Variants in MAP2K6 observed in about 807,000 individuals in gnomAD.
The protein encoded by MAP2K6 is mitogen-activated protein kinase kinase 6.
In MAP2K6, 16 loss-of-function variants were observed where a neutral mutation model predicts 53.7. The observed-to-expected ratio is 0.30, with a 90% CI of 0.20 to 0.45. The LOEUF (loss-of-function observed/expected upper bound fraction) is 0.45, where lower values mean the gene tolerates loss of function less well. Among genes scored for constraint, MAP2K6 ranks in the 20% least tolerant of loss-of-function variants. The pLI is 1.00. For missense variants in MAP2K6, 204 were observed against 411.9 expected (o/e 0.50, Z 4.37); for synonymous variants, 132 against 143.1 (o/e 0.92, Z 0.55).
chr17:69,475,713 T>C (rs1908128168), intron 1 of MAP2K6, among the ~76,000 whole-genome samples: 1 of 152,214 alleles, frequency 6.6e-6, no homozygotes, highest in Non-Finnish European at 1.5e-5. Flanking sequence ...AGAAACCTTA[T>C]TATCTCCAGG....
At chr17:69,454,028 C>T (rs1403237073) in intron 1 of MAP2K6, among the ~76,000 whole-genome samples, 3 of 152,194 alleles carry the variant, frequency 2.0e-5, no homozygotes, top group South Asian at 2.1e-4. Context: ...TTATGGCCCT[C>T]CAGTTATAGC....
In MAP2K6 at chr17:69,548,007, C is replaced by G. The variant is rs1459159825; in HGVS notation, c.*6254C>G. ...AGAAGAAGGCAGATAGAGTTCTTAA[C>G]CTTTTTCAACTTAGCCACCTCAATT... On this transcript the variant is annotated 3_prime_UTR_variant, in exon 12 of 12. Coordinates refer to ENST00000590474, the MANE Select transcript of MAP2K6 (RefSeq NM_002758.4). 1 of 152,146 alleles carries G rather than the reference C, an allele frequency of 6.6e-6. No individual in the cohort carries two copies. The highest frequency in any genetic ancestry group is 1.5e-5 in the Non-Finnish European group (1 of 68,022). The allele number at this position is 152,146 out of a possible 1,614,324, so 9.4% of individuals were successfully genotyped here. A position where few individuals can be genotyped will look rare whatever the true frequency, so the allele number is the denominator to read the frequency against.
intron 1 of MAP2K6, among the ~76,000 whole-genome samples, chr17:69,450,464 C>G (rs1270528334): frequency 6.6e-6 from 1 of 152,202 alleles, no homozygotes; most frequent in Non-Finnish European, 1.5e-5. Flanking sequence ...GCAAAAATTG[C>G]TCCTGTTTCC....
intron 11 of MAP2K6, 52 bp from the exon 12 acceptor site, chr17:69,541,624 T>A: frequency 7.5e-7 from 1 of 1,336,086 alleles, no homozygotes; most frequent in Non-Finnish European, 1.1e-6. Flanking sequence ...TAATCTCATA[T>A]ATTGATTGTC....
chr17:69,477,526 C>T (rs1461742872), intron 1 of MAP2K6: 1 of 152,156 alleles, frequency 6.6e-6, no homozygotes, highest in African/African-American at 2.4e-5. Flanking sequence ...GGAACCTCTG[C>T]TGGATTGGAA....
chr17:69,482,116 T>A (rs1908370625), intron 1 of MAP2K6, among the ~76,000 whole-genome samples: 1 of 152,180 alleles, frequency 6.6e-6, no homozygotes, highest in South Asian at 2.1e-4. Context: ...GCAAAGAAAT[T>A]GAGTCCACAA....
At chr17:69,451,700 G>A (rs1279131725) in intron 1 of MAP2K6, among the ~76,000 whole-genome samples, 1 of 152,172 alleles carries the variant, frequency 6.6e-6, no homozygotes, top group Non-Finnish European at 1.5e-5. Context: ...TTTGGAGGTG[G>A]AGTGGCCCTA....
chr17:69,540,626 T>A (rs1355678160), intron 11 of MAP2K6, among the ~76,000 whole-genome samples: 1 of 152,212 alleles, frequency 6.6e-6, no homozygotes, highest in Non-Finnish European at 1.5e-5. Context: ...TTGAATCACA[T>A]ACCATGCTTG....
At chr17:69,535,130 T>C (rs566209326) in intron 10 of MAP2K6, among the ~76,000 whole-genome samples, 1 of 152,332 alleles carries the variant, frequency 6.6e-6, no homozygotes, top group Admixed American at 6.5e-5. Flanking sequence ...TGTTATTAAA[T>C]GTCTGTGTCA....
intron 1 of MAP2K6, among the ~76,000 whole-genome samples, chr17:69,465,065 C>A (rs931349911): frequency 6.6e-6 from 1 of 151,602 alleles, no homozygotes; most frequent in African/African-American, 2.4e-5. Context: ...TTTACAGACC[C>A]CCACAGAGCC....
intron 1 of MAP2K6, among the ~76,000 whole-genome samples, chr17:69,457,922 C>G (rs144100341): frequency 6.6e-6 from 1 of 152,194 alleles, no homozygotes; most frequent in Non-Finnish European, 1.5e-5. Context: ...CATTAAAGTT[C>G]GGGAAGCACT....
At chr17:69,417,912 A>G (rs558597181) in intron 1 of MAP2K6, among the ~76,000 whole-genome samples, 1 of 152,326 alleles carries the variant, frequency 6.6e-6, no homozygotes, top group South Asian at 2.1e-4. Context: ...TTTAAAAAAT[A>G]TTAGTTTATT....
At chr17:69,515,761 G>C (rs1367729286) in intron 2 of MAP2K6, among the ~76,000 whole-genome samples, 1 of 152,208 alleles carries the variant, frequency 6.6e-6, no homozygotes. Context: ...GATATCAGGA[G>C]ACCTGGGGCA....
chr17:69,469,888 C>T (rs1907930789), intron 1 of MAP2K6, among the ~76,000 whole-genome samples: 1 of 151,940 alleles, frequency 6.6e-6, no homozygotes, highest in African/African-American at 2.4e-5. Flanking sequence ...GCAATGAAAG[C>T]AGAAGTTAGA....
At chr17:69,469,281 G>A (rs1015633928) in intron 1 of MAP2K6, among the ~76,000 whole-genome samples, 3 of 152,138 alleles carry the variant, frequency 2.0e-5, no homozygotes, top group Non-Finnish European at 4.4e-5. Context: ...CCACTTTTAA[G>A]GACTATTTTG....
rs1911996083 is a variant in MAP2K6, at chr17:69,549,134, GA to G, written c.*7382del. 1 of 152,106 alleles carries G rather than the reference GA, an allele frequency of 6.6e-6. No homozygotes were observed. Among genetic ancestry groups the G allele is most frequent in the Non-Finnish European group, 1.5e-5 (1 of 68,016 alleles). The allele number at this position is 152,106 out of a possible 1,614,324, so 9.4% of individuals were successfully genotyped here. ...TGGACATTGAGCCCTTTATTTTTGG[GA>G]GTTTACAGTTAAATTTTGGAAGAAT... On this transcript the variant is annotated 3_prime_UTR_variant, in exon 12 of 12. Coordinates refer to ENST00000590474, the MANE Select transcript of MAP2K6 (RefSeq NM_002758.4).
intron 1 of MAP2K6, among the ~76,000 whole-genome samples, chr17:69,450,963 T>C (rs746658585): frequency 2.0e-5 from 3 of 152,222 alleles, no homozygotes; most frequent in African/African-American, 2.4e-5. Flanking sequence ...AAAATGTTTA[T>C]GGAAGAGATT....
At position 69,414,964 on chromosome 17, in the gene MAP2K6, C is replaced by G; in HGVS notation, c.-21C>G. 1 of 1,547,738 alleles carries G rather than the reference C, an allele frequency of 6.5e-7. No homozygotes were observed. The highest frequency in any genetic ancestry group is 8.9e-7 in the Non-Finnish European group (1 of 1,119,858). On this transcript the variant is annotated 5_prime_UTR_variant, in exon 1 of 12. Transcript: ENST00000590474. Reference sequence around the variant, plus strand: ...GGCAAAGTCTTTTGTGCTCCCCTCCCCCATCAAAGGAAAGGGGAAAATGTC... The same window carrying G: ...GGCAAAGTCTTTTGTGCTCCCCTCCGCCATCAAAGGAAAGGGGAAAATGTC...
intron 1 of MAP2K6, among the ~76,000 whole-genome samples, chr17:69,488,660 C>T (rs538032663): frequency 5.9e-5 from 9 of 152,172 alleles, no homozygotes; most frequent in South Asian, 2.1e-4. Context: ...AACAGAAAAG[C>T]GAGTACTGCA....
Sources: allele counts gnomAD v4.1 joint callset (sites outside exome capture counted in the v4.1 genomes callset), GRCh38; gene constraint gnomAD v4.1.1; transcripts MANE v1.5; gene names NCBI Gene and HGNC (gene_info 2026-07-23, HGNC 2026-07-21).